The following ZNF513 variants were observed in gnomAD, a reference collection of about 807,000 sequenced individuals.
ZNF513 encodes zinc finger protein 513.
Under a neutral mutation model 39.7 loss-of-function variants are expected in ZNF513, and 16 were observed. That is an observed-to-expected ratio of 0.40 (90% CI 0.27 to 0.61). The LOEUF (loss-of-function observed/expected upper bound fraction) is 0.61. Among genes scored for constraint, ZNF513 ranks in the 20% least tolerant of loss-of-function variants. The pLI, the probability that ZNF513 is intolerant of heterozygous loss-of-function variation, is 0.39. For synonymous variants in ZNF513, 348 were observed against 296.5 expected (o/e 1.17, Z -1.79); for missense variants, 699 against 743.6 (o/e 0.94, Z 0.70).
rs774787985 is a variant in ZNF513 at position 27,377,677 on chromosome 2, C to A, written c.1494G>T (p.Gly498=). Reference sequence around the variant, plus strand: ...AGGCAGAGAGACCAGGCCCTCCTGCCCCACCGTGGCCATGCACCTTCTGGT... The same window carrying A: ...AGGCAGAGAGACCAGGCCCTCCTGCACCACCGTGGCCATGCACCTTCTGGT... ...KRHQKVHGHG[G]AGGPGLSASE... Residue 498 remains glycine, a synonymous_variant, in exon 4 of 4, where the codon GGG becomes GGT. Coordinates refer to ENST00000323703, the MANE Select transcript of ZNF513 (RefSeq NM_144631.6). The surrounding 1 kb of genome is among the most constrained non-coding windows in gnomAD (Gnocchi z 4.4). 1.2e-6 allele frequency: 2 copies of A among 1,614,168 alleles called. No homozygotes were observed. The highest frequency in any genetic ancestry group is 3.3e-5 in the Admixed American group (2 of 60,036).
Position 27,380,456 on chromosome 2 carries a change from G to T in ZNF513, c.55+16C>A. The T allele has an allele frequency of 6.3e-7, 1 of 1,593,618 alleles. No homozygotes were observed. Among genetic ancestry groups the T allele is most frequent in the Non-Finnish European group, 8.6e-7 (1 of 1,168,028 alleles). On this transcript the variant is annotated intron_variant, in intron 1 of 3. Transcript: ENST00000323703. ...CCACCCCCGCTCCTCTCCCCTCAAG[G>T]CCCCTGACCCCTGACCTTTGACCCC...
Position 27,378,591 on chromosome 2 carries a change from C to T in ZNF513, c.675G>A (p.Gln225=), listed in dbSNP as rs113292663. The T allele has an allele frequency of 2.3e-5, 37 of 1,613,930 alleles. No individual in the cohort carries two copies. In the African/African-American group the frequency reaches 4.0e-4, roughly 17 times the overall value. The change falls in exon 3 of 4, where the codon CAG becomes CAA. Residue 225 remains glutamine (Q), a synonymous_variant. Coordinates refer to ENST00000323703, the MANE Select transcript of ZNF513 (RefSeq NM_144631.6). This position sits in a 1 kb window ranked among gnomAD's most constrained non-coding sequence, Gnocchi z 8.0. The part of the protein sequence containing the change: ...CSSLGNLRRH[Q]RTHAGPPTPP... ...GAGTGGGGGGCCCTGCGTGGGTACG[C>T]TGATGCCGCCTCAGGTTGCCCAGGC...
Position 27,380,256 on chromosome 2 carries a change from G to C in ZNF513, c.56-8C>G. 6.2e-7 allele frequency: 1 copy of C among 1,613,874 alleles called. No homozygotes were observed. The highest frequency in any genetic ancestry group is 8.5e-7 in the Non-Finnish European group (1 of 1,179,954). ...GGGAGTCTTCAGTATCCACTGAAGA[G>C]GGGAGGGGGCTTGTGGATTCTCCCT... is the stretch of plus-strand genomic sequence containing the variant. On this transcript the variant is annotated splice_polypyrimidine_tract_variant and splice_region_variant and intron_variant, in intron 1 of 3. Coordinates refer to ENST00000323703, the MANE Select transcript of ZNF513 (RefSeq NM_144631.6).
In ZNF513 at chr2:27,380,681, GC is replaced by G; in HGVS notation, c.-156del. 1 of 1,241,972 alleles carries G rather than the reference GC, an allele frequency of 8.1e-7. No homozygotes were observed. Among genetic ancestry groups the G allele is most frequent in the Non-Finnish European group, 1.0e-6 (1 of 990,416 alleles). 76.9% of individuals were successfully genotyped at this position (1,241,972 alleles called of 1,614,324 possible). On this transcript the variant is annotated 5_prime_UTR_variant, in exon 1 of 4. An upstream open reading frame in the 5' UTR loses its in-frame stop. Coordinates refer to ENST00000323703, the MANE Select transcript of ZNF513 (RefSeq NM_144631.6). ...GGCAGCCCCCGGCCCTGGCCCCGGC[GC>G]CCAGCTCAGGCCGCTCCCGCCGCCG...
intron 1 of ZNF513, 76 bp from the exon 2 acceptor site, chr2:27,380,324 C>T: frequency 6.2e-7 from 1 of 1,612,280 alleles, no homozygotes; most frequent in Non-Finnish European, 8.5e-7. Context: ...TACTCGCTGA[C>T]CCACTCTGAT....
At chr2:27,379,094 AG>A (rs762819685) in intron 2 of ZNF513, 40 bp from the exon 3 acceptor site, 1 of 1,595,686 alleles carries the variant, frequency 6.3e-7, no homozygotes, top group East Asian at 2.2e-5. Context: ...AGCATAGGGT[AG>A]GATCAGGCTC....
In ZNF513 at chr2:27,378,842, G is replaced by GC. The variant is rs2148413577; in HGVS notation, c.423dup (p.Pro142AlafsTer125). ...TACAGTAGCCGTGGGGGCAGCAGGG[G>GC]CCCCCCACCCGGCCCTCCTGCCCCA... On this transcript the variant is annotated frameshift_variant, in exon 3 of 4. Coordinates refer to ENST00000323703, the MANE Select transcript of ZNF513 (RefSeq NM_144631.6). LOFTEE classifies it high-confidence loss of function. The surrounding 1 kb of genome is among the most constrained non-coding windows in gnomAD (Gnocchi z 8.0). The GC allele has an allele frequency of 6.2e-7, 1 of 1,608,342 alleles. No individual in the cohort carries two copies. Among genetic ancestry groups the GC allele is most frequent in the Non-Finnish European group, 8.5e-7 (1 of 1,177,414 alleles).
In ZNF513 at chr2:27,377,929, C is replaced by T; in HGVS notation, c.1242G>A (p.Lys414=). The part of the protein sequence containing the change: ...KRHQRVHTGE[K]PYKCPLCPYA... ...AAGGGCAGAGGGGGCACTTGTAGGG[C>T]TTCTCTCCTGTATGGACGCGCTGGT... Residue 414 remains lysine, a synonymous_variant, in exon 4 of 4, where the codon AAG becomes AAA. Coordinates refer to ENST00000323703, the MANE Select transcript of ZNF513 (RefSeq NM_144631.6). This position sits in a 1 kb window ranked among gnomAD's most constrained non-coding sequence, Gnocchi z 4.4. The T allele has an allele frequency of 6.2e-7, 1 of 1,614,114 alleles. No individual in the cohort carries two copies. Among genetic ancestry groups the T allele is most frequent in the Non-Finnish European group, 8.5e-7 (1 of 1,179,990 alleles).
In ZNF513 at chr2:27,379,164, G is replaced by C. The variant is rs1314872821; in HGVS notation, c.212-110C>G. 4 of 1,064,328 alleles carry C rather than the reference G, an allele frequency of 3.8e-6. No individual in the cohort carries two copies. The African/African-American group carries it at 4.7e-5, about 12-fold the overall frequency. 65.9% of individuals were successfully genotyped at this position (1,064,328 alleles called of 1,614,324 possible). On this transcript the variant is annotated intron_variant, in intron 2 of 3. Coordinates refer to ENST00000323703, the MANE Select transcript of ZNF513 (RefSeq NM_144631.6). ...CTTGCTTGGCTCCACCCTTAGCTTTGATGATCCCTTTAGTTCCCTCCTAGG... is the reference window on the plus strand; with the variant it reads ...CTTGCTTGGCTCCACCCTTAGCTTTCATGATCCCTTTAGTTCCCTCCTAGG...
chr2:27,380,457 C>T lies in ZNF513; in HGVS notation c.55+15G>A, dbSNP rs1225032250. The T allele has an allele frequency of 1.9e-6, 3 of 1,587,912 alleles. No homozygotes were observed. Among genetic ancestry groups the T allele is most frequent in the African/African-American group, 2.7e-5 (2 of 72,896 alleles). ...CACCCCCGCTCCTCTCCCCTCAAGG[C>T]CCCTGACCCCTGACCTTTGACCCCC... On this transcript the variant is annotated intron_variant, in intron 1 of 3. Coordinates refer to ENST00000323703, the MANE Select transcript of ZNF513 (RefSeq NM_144631.6).
At position 27,378,280 on chromosome 2, in the gene ZNF513, CT is replaced by C; in HGVS notation, c.890del (p.Glu297GlyfsTer83). 1.2e-6 allele frequency: 2 copies of C among 1,601,008 alleles called. No individual in the cohort carries two copies. The highest frequency in any genetic ancestry group is 8.5e-7 in the Non-Finnish European group (1 of 1,179,950). Reference protein sequence around the residue: ...PDCGQLRGEGEGLCGTGSEPL... With the variant: ...PDCGQLRGEGXGLCGTGSEPL... ...GTTCTGATCCAGTCCCGCAGAGGCC[CT>C]CCCCTTCACCCCGCAGCTGCCCACA... is the stretch of plus-strand genomic sequence containing the variant. On this transcript the variant is annotated frameshift_variant, in exon 4 of 4. Coordinates refer to ENST00000323703, the MANE Select transcript of ZNF513 (RefSeq NM_144631.6). LOFTEE classifies it high-confidence loss of function. This position sits in a 1 kb window ranked among gnomAD's most constrained non-coding sequence, Gnocchi z 8.0.
rs572827413 is a variant in ZNF513, at chr2:27,377,308, A to G, written c.*237T>C. The G allele has an allele frequency of 1.7e-5, 11 of 650,666 alleles. No homozygotes were observed. Among genetic ancestry groups the G allele is most frequent in the African/African-American group, 5.4e-5 (3 of 55,142 alleles). 40.3% of individuals were successfully genotyped at this position (650,666 alleles called of 1,614,324 possible). On this transcript the variant is annotated 3_prime_UTR_variant, in exon 4 of 4. Coordinates refer to ENST00000323703, the MANE Select transcript of ZNF513 (RefSeq NM_144631.6). This position sits in a 1 kb window ranked among gnomAD's most constrained non-coding sequence, Gnocchi z 4.4. ...CAGGTGGGAGGCTGGGCAGTCCCCC[A>G]GCCGGTTTGTCCACAGCCCCTGGGG...
At position 27,378,709 on chromosome 2, in the gene ZNF513, G is replaced by T. The variant is rs759476773; in HGVS notation, c.557C>A (p.Ala186Asp). The change falls in exon 3 of 4, where the codon GCC becomes GAC. Residue 186 changes from alanine to aspartate, a missense_variant. Around this residue, in one of 3 missense-constraint regions of ZNF513, gnomAD observed 530 missense variants for 499.3 expected, o/e 1.06. Transcript: ENST00000323703. This position sits in a 1 kb window ranked among gnomAD's most constrained non-coding sequence, Gnocchi z 8.0. ...KPFRCGRCPY[A>D]SAQLVNLTRH... The stretch of plus-strand genomic sequence containing the variant: ...TGTCAGGTTGACGAGCTGGGCTGAG[G>T]CGTAGGGGCAGCGGCCACAGCGGAA... 6.2e-7 allele frequency: 1 copy of T among 1,613,944 alleles called. No homozygotes were observed. The highest frequency in any genetic ancestry group is 1.1e-5 in the South Asian group (1 of 91,088).
rs149692692 is a variant in ZNF513, at chr2:27,377,491, G to A, written c.*54C>T. ...TGTGGAGCCCCTGGCCAGCGGGGGA[G>A]AAAAAGGTGGCTTCTGGTCCGTCTG... On this transcript the variant is annotated 3_prime_UTR_variant, in exon 4 of 4. Coordinates refer to ENST00000323703, the MANE Select transcript of ZNF513 (RefSeq NM_144631.6). This position sits in a 1 kb window ranked among gnomAD's most constrained non-coding sequence, Gnocchi z 4.4. 174 of 1,595,556 alleles carry A rather than the reference G, an allele frequency of 1.1e-4. No individual in the cohort carries two copies. The highest frequency in any genetic ancestry group is 1.2e-4 in the African/African-American group (9 of 74,736).
chr2:27,380,136 GTCGCCTTCCTCCTCT>G lies in ZNF513; in HGVS notation c.153_167del (p.Glu51_Gly55del). The G allele has an allele frequency of 1.2e-6, 2 of 1,614,070 alleles. No individual in the cohort carries two copies. Among genetic ancestry groups the G allele is most frequent in the Non-Finnish European group, 1.7e-6 (2 of 1,179,998 alleles). On this transcript the variant is annotated inframe_deletion, in exon 2 of 4. Coordinates refer to ENST00000323703, the MANE Select transcript of ZNF513 (RefSeq NM_144631.6). ...AGCCCATGAGCTGGTCACTGTTGCC[GTCGCCTTCCTCCTCT>G]TCCTCTTCCTCCTCAAACTCCAGAT...
chr2:27,378,632 G>A lies in ZNF513; in HGVS notation c.634C>T (p.Pro212Ser), dbSNP rs762787715. The A allele has an allele frequency of 2.5e-6, 4 of 1,613,786 alleles. No homozygotes were observed. In the African/African-American group the frequency reaches 5.3e-5, roughly 22 times the overall value. The stretch of plus-strand genomic sequence containing the variant: ...TTGCCCAGGCTGCTGCAGGCAAAGG[G>A]GCAGTGGGGACAGCGGTAGGGCTTC... ...GEKPYRCPHC[P>S]FACSSLGNLR... The change falls in exon 3 of 4, where the codon CCC (proline) becomes TCC (serine). Residue 212 changes from proline to serine, a missense_variant. Physicochemically the swap from Pro to Ser is moderately conservative, Grantham distance 74. Coordinates refer to ENST00000323703, the MANE Select transcript of ZNF513 (RefSeq NM_144631.6). The surrounding 1 kb of genome is among the most constrained non-coding windows in gnomAD (Gnocchi z 8.0).
Position 27,380,660 on chromosome 2 carries a change from G to A in ZNF513, c.-134C>T, listed in dbSNP as rs1056294845. 1.5e-6 allele frequency: 2 copies of A among 1,299,864 alleles called. No individual in the cohort carries two copies. The highest frequency in any genetic ancestry group is 1.9e-6 in the Non-Finnish European group (2 of 1,026,898). The allele number at this position is 1,299,864 out of a possible 1,614,324, so 80.5% of individuals were successfully genotyped here. The stretch of plus-strand genomic sequence containing the variant: ...CATGCAGCGGCGCGGGCCCTGGGCA[G>A]CCCCCGGCCCTGGCCCCGGCGCCCA... On this transcript the variant is annotated 5_prime_UTR_variant, in exon 1 of 4. Transcript: ENST00000323703.
rs755833360 is a variant in ZNF513, at chr2:27,378,387, C to T, written c.800-16G>A. On this transcript the variant is annotated splice_polypyrimidine_tract_variant and intron_variant, in intron 3 of 3. Coordinates refer to ENST00000323703, the MANE Select transcript of ZNF513 (RefSeq NM_144631.6). This position sits in a 1 kb window ranked among gnomAD's most constrained non-coding sequence, Gnocchi z 8.0. ...AGCAGAGCATCTGTGGGGACAAAGA[C>T]CTGGGCTATGAATCCAATCCAAGCA... 26 of 1,607,730 alleles carry T rather than the reference C, an allele frequency of 1.6e-5. No homozygotes were observed. The highest frequency in any genetic ancestry group is 2.0e-5 in the Non-Finnish European group (24 of 1,179,934).
chr2:27,380,407 T>C (rs1218391791), intron 1 of ZNF513, 65 bp downstream of exon 1: 4 of 1,575,562 alleles, frequency 2.5e-6, no homozygotes, highest in East Asian at 4.7e-5. Flanking sequence ...CCCTCCACCC[T>C]GACCTGAGCC....
Sources: allele counts gnomAD v4.1 joint callset, GRCh38; gene constraint gnomAD v4.1.1; regional missense constraint gnomAD v4.1.1; non-coding constraint Gnocchi (gnomAD v3.1); transcripts MANE v1.5; gene names NCBI Gene and HGNC (gene_info 2026-07-23, HGNC 2026-07-21).